WDR17: variants seen among roughly 807,000 people sequenced by gnomAD.
WDR17 encodes the protein WD repeat-containing protein 17.
WDR17 carries 143 observed loss-of-function variants against 161.7 expected under a neutral mutation model. That is an observed-to-expected ratio of 0.88 (90% CI 0.77 to 1.02). The LOEUF (loss-of-function observed/expected upper bound fraction) is 1.02. WDR17 is among the 50% of genes least tolerant of loss of function. The pLI, the probability that WDR17 is intolerant of heterozygous loss-of-function variation, is 0.00. For synonymous variants in WDR17, 517 were observed against 515.6 expected (o/e 1.00, Z -0.04); for missense variants, 1,469 against 1,520.9 (o/e 0.97, Z 0.57).
At chr4:176,155,749 A>G (rs2126832143) in intron 17 of WDR17, among the ~76,000 whole-genome samples, 2 of 125,950 alleles carry the variant, frequency 1.6e-5, no homozygotes, top group Middle Eastern at 8.3e-3. Context: ...TTTGGTAGAC[A>G]TGAGGGTCTT....
At chr4:176,104,275 T>G (rs1738315038) in intron 1 of WDR17, among the ~76,000 whole-genome samples, 1 of 152,080 alleles carries the variant, frequency 6.6e-6, no homozygotes, top group South Asian at 2.1e-4. Flanking sequence ...AAGGAAGTTC[T>G]GCAGGGTGAA....
In WDR17 at chr4:176,156,013, T is replaced by C. The variant is rs557472723; in HGVS notation, c.2461-66T>C. 4 of 1,382,894 alleles carry C rather than the reference T, an allele frequency of 2.9e-6. No homozygotes were observed. The East Asian group carries it at 7.0e-5, about 24-fold the overall frequency. The allele number at this position is 1,382,894 out of a possible 1,614,324, so 85.7% of individuals were successfully genotyped here. ...TATAAATACCAATCTATTTTTTAAG[T>C]GTCTTAAGAATTACACAGAGCAACC... On this transcript the variant is annotated intron_variant, in intron 17 of 28. Coordinates refer to ENST00000508596, the MANE Select transcript of WDR17 (RefSeq NM_181265.4).
At chr4:176,167,913 A>G (rs1015443450) in intron 22 of WDR17, among the ~76,000 whole-genome samples, 7 of 151,906 alleles carry the variant, frequency 4.6e-5, no homozygotes, top group Non-Finnish European at 1.0e-4. Flanking sequence ...TCGGGAGGCC[A>G]AGGTGGGTGG....
chr4:176,147,460 T>C (rs1746369766), intron 12 of WDR17, among the ~76,000 whole-genome samples: 1 of 152,192 alleles, frequency 6.6e-6, no homozygotes, highest in Admixed American at 6.5e-5. Context: ...ATCTAAGATT[T>C]ATTCTACACT....
chr4:176,071,260 A>T (rs1460514893), intron 1 of WDR17, among the ~76,000 whole-genome samples: 1 of 152,000 alleles, frequency 6.6e-6, no homozygotes, highest in Non-Finnish European at 1.5e-5. Context: ...TCGCAATGGA[A>T]TATTTACTTC....
intron 1 of WDR17, among the ~76,000 whole-genome samples, chr4:176,086,822 A>C (rs1735481517): frequency 6.6e-6 from 1 of 151,474 alleles, no homozygotes; most frequent in African/African-American, 2.4e-5. Context: ...TCTTATTTAC[A>C]GTTTTTGTTT....
At chr4:176,140,365 T>C (rs1393482564) in intron 10 of WDR17, among the ~76,000 whole-genome samples, 1 of 152,036 alleles carries the variant, frequency 6.6e-6, no homozygotes, top group African/African-American at 2.4e-5. Flanking sequence ...TAAAAACTTG[T>C]TTATAGTTGT....
intron 5 of WDR17, 139 bp downstream of exon 5, chr4:176,125,494 G>T: frequency 9.4e-7 from 1 of 1,067,196 alleles, no homozygotes; most frequent in East Asian, 2.7e-5. Context: ...TAAATTACTA[G>T]TGTACTTTTA....
chr4:176,176,213 G>A (rs1007963215), intron 26 of WDR17, among the ~76,000 whole-genome samples: 4 of 152,028 alleles, frequency 2.6e-5, no homozygotes, highest in East Asian at 1.9e-4. Context: ...GAAAAAGAAC[G>A]GTTTTTATTT....
intron 25 of WDR17, 25 bp from the exon 26 acceptor site, chr4:176,174,592 T>A (rs781133592): frequency 6.4e-7 from 1 of 1,551,380 alleles, no homozygotes; most frequent in Admixed American, 1.8e-5. Flanking sequence ...GTGGAATTTA[T>A]AAAAATAAAT....
In WDR17 at chr4:176,180,442, C is replaced by G. The variant is rs1199877834; in HGVS notation, c.*863C>G. The stretch of plus-strand genomic sequence containing the variant: ...CAATTTATTTGGCCGGGCACGGTGG[C>G]TCACACCTGTAATCTCAGCACTTTG... On this transcript the variant is annotated 3_prime_UTR_variant, in exon 29 of 29. Transcript: ENST00000508596. 6.6e-6 allele frequency: 1 copy of G among 152,230 alleles called. No homozygotes were observed. Among genetic ancestry groups the G allele is most frequent in the African/African-American group, 2.4e-5 (1 of 41,426 alleles). The allele number at this position is 152,230 out of a possible 1,614,324, so 9.4% of individuals were successfully genotyped here.
intron 1 of WDR17, among the ~76,000 whole-genome samples, chr4:176,110,382 T>C (rs959021569): frequency 6.6e-6 from 1 of 152,162 alleles, no homozygotes; most frequent in Non-Finnish European, 1.5e-5. Context: ...CTCTTCGGCC[T>C]CCCAAAGAGC....
At chr4:176,074,982 T>A (rs1340774116) in intron 1 of WDR17, among the ~76,000 whole-genome samples, 1 of 151,904 alleles carries the variant, frequency 6.6e-6, no homozygotes, top group East Asian at 1.9e-4. Flanking sequence ...ATATTTACCT[T>A]GAGCTGTATA....
intron 1 of WDR17, among the ~76,000 whole-genome samples, chr4:176,075,929 C>T (rs910762841): frequency 1.3e-5 from 2 of 151,816 alleles, no homozygotes; most frequent in African/African-American, 2.4e-5. Flanking sequence ...GTGCTATGAT[C>T]GGGACACTGT....
chr4:176,150,401 T>C, intron 15 of WDR17, 67 bp from the exon 16 acceptor site: 1 of 1,537,122 alleles, frequency 6.5e-7, no homozygotes, highest in Non-Finnish European at 8.7e-7. Context: ...ATAATATTTT[T>C]GAAGATGCAA....
rs141371313 is a variant in WDR17 at position 176,156,097 on chromosome 4, A to T, written c.2479A>T (p.Ile827Phe). 11 of 1,613,610 alleles carry T rather than the reference A, an allele frequency of 6.8e-6. No homozygotes were observed. Among genetic ancestry groups the T allele is most frequent in the Non-Finnish European group, 9.3e-6 (11 of 1,179,808 alleles). The change falls in exon 18 of 29, where the codon ATT (isoleucine) becomes TTT (phenylalanine). Residue 827 changes from isoleucine (I) to phenylalanine (F), a missense_variant. Ile to Phe is a conservative substitution (Grantham distance 21). Transcript: ENST00000508596. ...ATTGTAGTGGGACAAAGCCCTGTCAATTGCACCAGGAGTCTCTGTGAAATA... is the reference window on the plus strand; with the variant it reads ...ATTGTAGTGGGACAAAGCCCTGTCATTTGCACCAGGAGTCTCTGTGAAATA... ...ELGEWDKALS[I>F]APGVSVKYWK...
At chr4:176,176,081 ATAT>A (rs1375655283) in intron 26 of WDR17, among the ~76,000 whole-genome samples, 1 of 152,242 alleles carries the variant, frequency 6.6e-6, no homozygotes, top group Non-Finnish European at 1.5e-5. Context: ...GTATTAAAAG[ATAT>A]TATAGGAGCA....
At position 176,137,752 on chromosome 4, in the gene WDR17, G is replaced by A; in HGVS notation, c.1359+141G>A. 4 of 453,276 alleles carry A rather than the reference G, an allele frequency of 8.8e-6. No homozygotes were observed. The South Asian group carries it at 2.0e-4, about 22-fold the overall frequency. The allele number at this position is 453,276 out of a possible 1,614,324, so 28.1% of individuals were successfully genotyped here. A position where few individuals can be genotyped will look rare whatever the true frequency, so the allele number is the denominator to read the frequency against. The stretch of plus-strand genomic sequence containing the variant: ...TTCTCTCAATTAGAAGAAAATCCTA[G>A]AGAATACTCACATACTAAAATGAAT... On this transcript the variant is annotated intron_variant, in intron 9 of 28. Coordinates refer to ENST00000508596, the MANE Select transcript of WDR17 (RefSeq NM_181265.4).
At chr4:176,081,514 T>C (rs747090393) in intron 1 of WDR17, among the ~76,000 whole-genome samples, 7 of 152,164 alleles carry the variant, frequency 4.6e-5, no homozygotes, top group African/African-American at 9.7e-5. Context: ...TAGCAGCTAT[T>C]GCATATTGTT....
Sources: allele counts gnomAD v4.1 joint callset (sites outside exome capture counted in the v4.1 genomes callset), GRCh38; gene constraint gnomAD v4.1.1; transcripts MANE v1.5; gene names NCBI Gene and HGNC (gene_info 2026-07-23, HGNC 2026-07-21).